TMEM30A: variants seen among roughly 807,000 people sequenced by gnomAD.
The protein encoded by TMEM30A is cell division cycle 50 P4-ATPase accessory subunit A.
Under a neutral mutation model 38.2 loss-of-function variants are expected in TMEM30A, and 24 were observed. That is an observed-to-expected ratio of 0.63 (90% confidence interval 0.46 to 0.88). TMEM30A has a LOEUF of 0.88. Ranked by LOEUF, TMEM30A falls within the 40% of genes least tolerant of loss-of-function variation. TMEM30A has a pLI of 0.00. For missense variants in TMEM30A, 370 were observed against 458.6 expected (o/e 0.81, Z 1.77); for synonymous variants, 145 against 161.6 (o/e 0.90, Z 0.78).
chr6:75,277,652 C>A (rs922251984), intron 1 of TMEM30A, among the ~76,000 whole-genome samples: 9 of 152,094 alleles, frequency 5.9e-5, no homozygotes, highest in Non-Finnish European at 7.4e-5. Flanking sequence ...TGCTTGTAAT[C>A]CCAACACTCT....
chr6:75,284,143 A>T, intron 1 of TMEM30A: 1 of 538,328 alleles, frequency 1.9e-6, no homozygotes, highest in South Asian at 2.0e-5. Context: ...CTTCTGCATT[A>T]AACATTCATT....
At chr6:75,259,208 T>C in intron 5 of TMEM30A, 139 bp downstream of exon 5, 1 of 974,180 alleles carries the variant, frequency 1.0e-6, no homozygotes, top group East Asian at 2.6e-5. Context: ...TTAGAACATT[T>C]ACCTAACTTG....
rs186085174 is a variant in TMEM30A at position 75,267,509 on chromosome 6, C to A, written c.345+132G>T. 4.2e-3 allele frequency: 2,356 copies of A among 557,028 alleles called. 6 individuals carry two copies. Among genetic ancestry groups the A allele is most frequent in the Middle Eastern group, 5.0e-3 (14 of 2,790 alleles). The allele number at this position is 557,028 out of a possible 1,614,324, so 34.5% of individuals were successfully genotyped here. On this transcript the variant is annotated intron_variant, in intron 2 of 6. Transcript: ENST00000230461. Reference sequence around the variant, plus strand: ...GCCAAACACACAAAACGATCTTCCTCAAAAGCCTATAAACTCCAGTAAATT... The same window carrying A: ...GCCAAACACACAAAACGATCTTCCTAAAAAGCCTATAAACTCCAGTAAATT...
rs1013376391 is a variant in TMEM30A at position 75,254,979 on chromosome 6, A to G, written c.*1123T>C. On this transcript the variant is annotated 3_prime_UTR_variant, in exon 7 of 7. Transcript: ENST00000230461. ...AAAATCCCCATAATTTAATTAGGAA[A>G]TTTATAGAACATCTTTTTAAAGTAT... The G allele has an allele frequency of 2.0e-5, 3 of 152,540 alleles. No homozygotes were observed. Among genetic ancestry groups the G allele is most frequent in the African/African-American group, 7.2e-5 (3 of 41,442 alleles). The allele number at this position is 152,540 out of a possible 1,614,324, so 9.4% of individuals were successfully genotyped here.
At chr6:75,282,058 A>C (rs1772367194) in intron 1 of TMEM30A, among the ~76,000 whole-genome samples, 1 of 152,224 alleles carries the variant, frequency 6.6e-6, no homozygotes. Flanking sequence ...AAGGCAATAC[A>C]ATTTAAACAC....
chr6:75,259,558 T>C (rs893266079), intron 4 of TMEM30A, 68 bp from the exon 5 acceptor site: 15 of 1,383,444 alleles, frequency 1.1e-5, no homozygotes, highest in Middle Eastern at 2.5e-4. Context: ...CTTAACTCTA[T>C]GAGAAATAAG....
At chr6:75,259,899 T>C (rs987136156) in intron 4 of TMEM30A, among the ~76,000 whole-genome samples, 1 of 152,190 alleles carries the variant, frequency 6.6e-6, no homozygotes, top group Non-Finnish European at 1.5e-5. Context: ...CTTTCATATG[T>C]GGTTGGTCCA....
At position 75,253,765 on chromosome 6, in the gene TMEM30A, C is replaced by G. The variant is rs944973669; in HGVS notation, c.*2337G>C. The G allele has an allele frequency of 1.2e-4, 19 of 152,538 alleles. No homozygotes were observed. The highest frequency in any genetic ancestry group is 4.6e-4 in the African/African-American group (19 of 41,424). 9.4% of individuals were successfully genotyped at this position (152,538 alleles called of 1,614,324 possible). On this transcript the variant is annotated 3_prime_UTR_variant, in exon 7 of 7. Transcript: ENST00000230461. ...AATGATTTTCTATTAATTAGTAGTA[C>G]ACAGCTATTTTTATCAATTTATGCT...
intron 4 of TMEM30A, 90 bp downstream of exon 4, chr6:75,260,734 T>C: frequency 1.4e-6 from 1 of 736,272 alleles, no homozygotes; most frequent in Non-Finnish European, 2.0e-6. Context: ...GTTTCTCAAT[T>C]TCATTCATGT....
Position 75,253,522 on chromosome 6 carries a change from A to G in TMEM30A, c.*2580T>C, listed in dbSNP as rs1458672864. On this transcript the variant is annotated 3_prime_UTR_variant, in exon 7 of 7. Coordinates refer to ENST00000230461, the MANE Select transcript of TMEM30A (RefSeq NM_018247.4). ...CAGGCATGAAGAAGTTAAAACCTGG[A>G]CTCACTGACGCTGTGTTAAAATTTA... The G allele has an allele frequency of 6.6e-6, 1 of 152,558 alleles. No homozygotes were observed. The highest frequency in any genetic ancestry group is 1.5e-5 in the Non-Finnish European group (1 of 68,002). The allele number at this position is 152,558 out of a possible 1,614,324, so 9.5% of individuals were successfully genotyped here. A position where few individuals can be genotyped will look rare whatever the true frequency, so the allele number is the denominator to read the frequency against.
At chr6:75,262,445 C>A (rs1197984191) in intron 3 of TMEM30A, among the ~76,000 whole-genome samples, 2 of 151,962 alleles carry the variant, frequency 1.3e-5, no homozygotes, top group African/African-American at 2.4e-5. Context: ...GAGTTCAAGA[C>A]CAGCCTGCCT....
At chr6:75,257,575 AC>A (rs774258252) in intron 6 of TMEM30A, among the ~76,000 whole-genome samples, 21 of 152,176 alleles carry the variant, frequency 1.4e-4, no homozygotes, top group Non-Finnish European at 2.8e-4. Context: ...CTCTAGTTTG[AC>A]TATCCCCTCA....
At chr6:75,274,206 G>A (rs1772222718) in intron 1 of TMEM30A, among the ~76,000 whole-genome samples, 1 of 152,188 alleles carries the variant, frequency 6.6e-6, no homozygotes. Flanking sequence ...GTCATTTCAG[G>A]TAAACTATTA....
At chr6:75,260,116 A>T (rs1771936825) in intron 4 of TMEM30A, among the ~76,000 whole-genome samples, 1 of 152,178 alleles carries the variant, frequency 6.6e-6, no homozygotes, top group Non-Finnish European at 1.5e-5. Flanking sequence ...GAAAATTTAA[A>T]ATTACCAGGC....
chr6:75,281,972 T>A, intron 1 of TMEM30A, among the ~76,000 whole-genome samples: 1 of 152,222 alleles, frequency 6.6e-6, no homozygotes, highest in Non-Finnish European at 1.5e-5. Context: ...TATATGTGGA[T>A]TCTGTCTGCA....
chr6:75,259,070 A>G (rs1297210200), intron 5 of TMEM30A, 84 bp from the exon 6 acceptor site: 3 of 1,181,428 alleles, frequency 2.5e-6, no homozygotes, highest in East Asian at 5.0e-5. Flanking sequence ...AATTTGGATA[A>G]TAAATAGGGG....
intron 3 of TMEM30A, among the ~76,000 whole-genome samples, chr6:75,261,862 A>C (rs546464109): frequency 7.9e-5 from 12 of 152,022 alleles, no homozygotes; most frequent in Non-Finnish European, 1.5e-4. Flanking sequence ...TCTCTTCAAT[A>C]TTTGACTTCT....
At chr6:75,261,405 TCTAA>T (rs1473641049) in intron 3 of TMEM30A, among the ~76,000 whole-genome samples, 2 of 152,192 alleles carry the variant, frequency 1.3e-5, no homozygotes, top group African/African-American at 4.8e-5. Flanking sequence ...AAATCCTATA[TCTAA>T]GAAAGGAAGG....
chr6:75,261,668 A>G (rs1771967627), intron 3 of TMEM30A, among the ~76,000 whole-genome samples: 2 of 152,200 alleles, frequency 1.3e-5, no homozygotes, highest in South Asian at 4.1e-4. Flanking sequence ...GTCTCAAAAC[A>G]CATAAACATA....
Sources: allele counts gnomAD v4.1 joint callset (sites outside exome capture counted in the v4.1 genomes callset), GRCh38; gene constraint gnomAD v4.1.1; transcripts MANE v1.5; gene names NCBI Gene and HGNC (gene_info 2026-07-23, HGNC 2026-07-21).